NXN: variants seen among roughly 807,000 people sequenced by gnomAD.
NXN encodes the protein nucleoredoxin.
Under a neutral mutation model 48.6 loss-of-function variants are expected in NXN, and 16 were observed. The ratio of observed to expected loss-of-function variants is 0.33; its 90% confidence interval spans 0.22 to 0.50. NXN has a LOEUF of 0.50. Among genes scored for constraint, NXN ranks in the 20% least tolerant of loss-of-function variants. The pLI, the probability that NXN is intolerant of heterozygous loss-of-function variation, is 0.98. For synonymous variants in NXN, 281 were observed against 269.6 expected, an observed-to-expected ratio of 1.04 and a Z score of -0.41; for missense variants, 492 against 605.5, an observed-to-expected ratio of 0.81 and a Z score of 1.97.
chr17:835,390 A>G lies in NXN; in HGVS notation c.361-9312T>C, dbSNP rs1456567070. On this transcript the variant is annotated intron_variant, in intron 1 of 7. Coordinates refer to ENST00000336868, the MANE Select transcript of NXN (RefSeq NM_022463.5). The stretch of plus-strand genomic sequence containing the variant: ...TTTATGATTAGTTCATCAAATTCAG[A>G]AGCCAGGCCACAGAGAACAAAGAAA... Among the ~76,000 whole-genome samples, 5 of 152,158 alleles carry G rather than the reference A, an allele frequency of 3.3e-5. No individual in the cohort carries two copies. In the East Asian group the frequency reaches 9.6e-4, roughly 29 times the overall value.
At chr17:829,676 G>A (rs928656463) in intron 1 of NXN, among the ~76,000 whole-genome samples, 18 of 152,114 alleles carry the variant, frequency 1.2e-4, no homozygotes, top group African/African-American at 4.3e-4. Context: ...CTGTGTCCAC[G>A]TGTTTTCATT....
At chr17:971,646 C>G (rs1024201019) in intron 1 of NXN, among the ~76,000 whole-genome samples, 2 of 151,630 alleles carry the variant, frequency 1.3e-5, no homozygotes, top group African/African-American at 4.8e-5. Flanking sequence ...GAAGGCGGAG[C>G]TGGCAGTCAG....
At chr17:939,412 C>G (rs939626282) in intron 1 of NXN, among the ~76,000 whole-genome samples, 2 of 146,852 alleles carry the variant, frequency 1.4e-5, no homozygotes, top group Non-Finnish European at 3.0e-5. Context: ...GTGGCACCAT[C>G]TTGGCTCACT....
chr17:957,605 C>G (rs1032824632), intron 1 of NXN, among the ~76,000 whole-genome samples: 5 of 149,908 alleles, frequency 3.3e-5, no homozygotes, highest in Admixed American at 2.0e-4. Flanking sequence ...GCACTCCAGC[C>G]TGGGCGACAG....
intron 1 of NXN, among the ~76,000 whole-genome samples, chr17:889,362 G>A (rs935935903): frequency 4.6e-5 from 7 of 152,214 alleles, no homozygotes; most frequent in South Asian, 2.1e-4. Context: ...ATCCTGCATC[G>A]GAGGCAAAAA....
At chr17:951,023 C>T (rs1039147823) in intron 1 of NXN, among the ~76,000 whole-genome samples, 5 of 151,890 alleles carry the variant, frequency 3.3e-5, no homozygotes, top group African/African-American at 1.2e-4. Context: ...CCGGGTAGAA[C>T]CCTAGTACTC....
At chr17:957,499 G>A (rs899419776) in intron 1 of NXN, among the ~76,000 whole-genome samples, 2 of 152,078 alleles carry the variant, frequency 1.3e-5, no homozygotes, top group Non-Finnish European at 2.9e-5. Flanking sequence ...GAGCGTGGTG[G>A]TGCACGCCTG....
At chr17:827,420 A>C (rs1913179943) in intron 1 of NXN, among the ~76,000 whole-genome samples, 1 of 152,152 alleles carries the variant, frequency 6.6e-6, no homozygotes, top group South Asian at 2.1e-4. Context: ...CAGGAGATCG[A>C]GACCATCCTG....
intron 5 of NXN, among the ~76,000 whole-genome samples, chr17:817,862 T>C (rs936012031): frequency 6.6e-6 from 1 of 152,126 alleles, no homozygotes; most frequent in Admixed American, 6.5e-5. Context: ...TAACTCAGAC[T>C]GCCCAGTTAC....
At position 888,929 on chromosome 17, in the gene NXN, T is replaced by C. The variant is rs1019314116; in HGVS notation, c.361-62851A>G. Among the ~76,000 whole-genome samples the C allele has an allele frequency of 3.2e-5, 4 of 125,794 alleles. 1 individual carries two copies. In the Admixed American group the frequency reaches 3.8e-4, roughly 12 times the overall value. 82.5% of individuals were successfully genotyped at this position (125,794 alleles called of 152,430 possible). A position where few individuals can be genotyped will look rare whatever the true frequency, so the allele number is the denominator to read the frequency against. ...GAGATCGCACCACTGCACTCCAGCC[T>C]GGGGGCGACAAGTGCAAAACAAAAC... On this transcript the variant is annotated intron_variant, in intron 1 of 7. Transcript: ENST00000336868.
intron 1 of NXN, among the ~76,000 whole-genome samples, chr17:836,389 G>C (rs143350006): frequency 1.3e-5 from 2 of 152,138 alleles, no homozygotes; most frequent in Non-Finnish European, 2.9e-5. Context: ...TCGGGCAAAC[G>C]TCACCCCTGC....
At chr17:960,551 C>T (rs1248338029) in intron 1 of NXN, among the ~76,000 whole-genome samples, 4 of 152,060 alleles carry the variant, frequency 2.6e-5, no homozygotes, top group Non-Finnish European at 5.9e-5. Context: ...CCCATGTTGT[C>T]CAGGCTGGAC....
intron 1 of NXN, among the ~76,000 whole-genome samples, chr17:929,254 G>A (rs1470864536): frequency 6.6e-6 from 1 of 152,170 alleles, no homozygotes; most frequent in African/African-American, 2.4e-5. Flanking sequence ...CCACCACCTG[G>A]CCCAGGCCAC....
At chr17:810,280 T>G (rs1179574237) in intron 5 of NXN, among the ~76,000 whole-genome samples, 1 of 137,232 alleles carries the variant, frequency 7.3e-6, no homozygotes, top group Non-Finnish European at 1.6e-5. Context: ...TACGAGTCTG[T>G]GAGTGGCGTG....
chr17:873,492 C>CAAAAAAAAAAA (rs1230477114), intron 1 of NXN, among the ~76,000 whole-genome samples: 1 of 74,274 alleles, frequency 1.3e-5, no homozygotes, highest in African/African-American at 5.9e-5. Context: ...GACACTGTCT[C>CAAAAAAAAAAA]CAAAAAAAAA....
chr17:895,691 A>ATG (rs2068474586), intron 1 of NXN, among the ~76,000 whole-genome samples: 1 of 150,038 alleles, frequency 6.7e-6, no homozygotes, highest in Non-Finnish European at 1.5e-5. Flanking sequence ...GGTGGTGGGC[A>ATG]CCTGTAGTCC....
chr17:879,434 C>T (rs1333146232), intron 1 of NXN, among the ~76,000 whole-genome samples: 7 of 151,652 alleles, frequency 4.6e-5, no homozygotes, highest in East Asian at 2.0e-4. Flanking sequence ...AGATTACAGG[C>T]GCCCACCATG....
chr17:838,560 AGTC>A (rs1463966415), intron 1 of NXN, among the ~76,000 whole-genome samples: 3 of 152,230 alleles, frequency 2.0e-5, no homozygotes, highest in Non-Finnish European at 4.4e-5. Flanking sequence ...TGAGACGCCG[AGTC>A]GGCTTTCAAA....
At chr17:862,266 A>G (rs1188283662) in intron 1 of NXN, among the ~76,000 whole-genome samples, 2 of 152,192 alleles carry the variant, frequency 1.3e-5, no homozygotes, top group Admixed American at 1.3e-4. Context: ...CTGTAATCCC[A>G]GAGCTTTGGG....
Sources: allele counts gnomAD v4.1 joint callset (sites outside exome capture counted in the v4.1 genomes callset), GRCh38; gene constraint gnomAD v4.1.1; transcripts MANE v1.5; gene names NCBI Gene and HGNC (gene_info 2026-07-23, HGNC 2026-07-21).